Variants in PRDM5 observed in about 807,000 individuals in gnomAD.
PRDM5 encodes the protein PR/SET domain 5.
In PRDM5, 56 loss-of-function variants were observed where a neutral mutation model predicts 81.2. The observed-to-expected ratio is 0.69, with a 90% confidence interval of 0.56 to 0.86. The LOEUF (loss-of-function observed/expected upper bound fraction) is 0.86. Among genes scored for constraint, PRDM5 ranks in the 40% least tolerant of loss-of-function variants. PRDM5 has a pLI of 0.00. For missense variants in PRDM5, 697 were observed against 770.1 expected (o/e 0.91, Z 1.12); for synonymous variants, 267 against 256.4 (o/e 1.04, Z -0.39).
chr4:120,855,728 G>A (rs571170112), intron 2 of PRDM5, among the ~76,000 whole-genome samples: 1 of 152,320 alleles, frequency 6.6e-6, no homozygotes, highest in East Asian at 1.9e-4. Flanking sequence ...AGGTGGCAAT[G>A]CCACCTAATA....
chr4:120,795,555 C>A (rs1751222664), intron 10 of PRDM5, among the ~76,000 whole-genome samples: 1 of 142,210 alleles, frequency 7.0e-6, no homozygotes, highest in Admixed American at 7.1e-5. Flanking sequence ...ATATAACTGG[C>A]AAGATGATGA....
At chr4:120,767,408 T>A (rs1746537650) in intron 13 of PRDM5, among the ~76,000 whole-genome samples, 1 of 152,210 alleles carries the variant, frequency 6.6e-6, no homozygotes, top group Non-Finnish European at 1.5e-5. Context: ...GAGTCTTATT[T>A]CCTCTTCATA....
At chr4:120,716,045 G>C (rs1369686443) in intron 14 of PRDM5, among the ~76,000 whole-genome samples, 26 of 152,174 alleles carry the variant, frequency 1.7e-4, no homozygotes, top group Admixed American at 7.2e-4. Context: ...AGGCATGAGG[G>C]CTTTGCAGTT....
chr4:120,760,684 T>A (rs1461082287), intron 13 of PRDM5, among the ~76,000 whole-genome samples: 1 of 152,026 alleles, frequency 6.6e-6, no homozygotes, highest in Non-Finnish European at 1.5e-5. Context: ...TGATTTTGGT[T>A]GATTTTTAAA....
intron 8 of PRDM5, among the ~76,000 whole-genome samples, chr4:120,802,806 C>G (rs545517909): frequency 6.6e-6 from 1 of 152,258 alleles, no homozygotes; most frequent in Admixed American, 6.5e-5. Flanking sequence ...GCGCTTCTCC[C>G]CCTCCAAAGG....
Position 120,855,041 on chromosome 4 carries a change from C to T in PRDM5, c.178-1501G>A, listed in dbSNP as rs138225101. Among the ~76,000 whole-genome samples the T allele has an allele frequency of 6.0e-4, 92 of 152,110 alleles. 1 individual carries two copies. The highest frequency in any genetic ancestry group is 2.2e-3 in the African/African-American group (91 of 41,496). On this transcript the variant is annotated intron_variant, in intron 2 of 15. Transcript: ENST00000264808. The stretch of plus-strand genomic sequence containing the variant: ...ACCAGATCATGCGGGGACCAACAGA[C>T]CAGGAATCCATCTAGACAGTTACTT...
chr4:120,847,691 TAAC>T (rs1258814882), intron 3 of PRDM5, among the ~76,000 whole-genome samples: 2 of 152,194 alleles, frequency 1.3e-5, no homozygotes, highest in African/African-American at 4.8e-5. Flanking sequence ...TAACGATGGA[TAAC>T]TACTACAATC....
At chr4:120,699,482 C>T (rs942089480) in intron 15 of PRDM5, among the ~76,000 whole-genome samples, 2 of 151,940 alleles carry the variant, frequency 1.3e-5, no homozygotes, top group South Asian at 4.2e-4. Context: ...CCTAACAGTG[C>T]CCTGAAAGCA....
intron 2 of PRDM5, among the ~76,000 whole-genome samples, chr4:120,903,782 TTCTCTTGCACAAGC>T (rs1462304683): frequency 1.3e-5 from 2 of 152,080 alleles, no homozygotes; most frequent in Non-Finnish European, 2.9e-5. Context: ...TAAACGGGAG[TTCTCTTGCACAAGC>T]TCTCTTGCCT....
At position 120,856,361 on chromosome 4, in the gene PRDM5, T is replaced by C. The variant is rs572979380; in HGVS notation, c.178-2821A>G. On this transcript the variant is annotated intron_variant, in intron 2 of 15. Coordinates refer to ENST00000264808, the MANE Select transcript of PRDM5 (RefSeq NM_018699.4). The stretch of plus-strand genomic sequence containing the variant: ...TACATATTCATATTTGAAATAACTT[T>C]CTTTGTTCATTAACAGAATCACTGC... Among the ~76,000 whole-genome samples, 4 of 152,366 alleles carry C rather than the reference T, an allele frequency of 2.6e-5. No homozygotes were observed. In the South Asian group the frequency reaches 6.2e-4, roughly 24 times the overall value.
intron 3 of PRDM5, among the ~76,000 whole-genome samples, chr4:120,852,450 C>T (rs1360842175): frequency 1.3e-5 from 2 of 152,094 alleles, no homozygotes; most frequent in Non-Finnish European, 2.9e-5. Context: ...AAAAGGCTGA[C>T]CTACCCCAGA....
intron 14 of PRDM5, among the ~76,000 whole-genome samples, chr4:120,749,314 T>C (rs997042242): frequency 6.6e-6 from 1 of 152,162 alleles, no homozygotes; most frequent in Non-Finnish European, 1.5e-5. Context: ...TTAAGGATTG[T>C]GGACTAGCAT....
chr4:120,699,837 C>T (rs1268167701), intron 15 of PRDM5, among the ~76,000 whole-genome samples: 1 of 152,070 alleles, frequency 6.6e-6, no homozygotes. Flanking sequence ...AATGGCCATA[C>T]TGCTCAAAGC....
chr4:120,688,759 T>A (rs1397195302), downstream of PRDM5, among the ~76,000 whole-genome samples: 1 of 152,176 alleles, frequency 6.6e-6, no homozygotes, highest in Non-Finnish European at 1.5e-5. Flanking sequence ...AGCTCTCTTG[T>A]TAAAGATCAT....
At chr4:120,889,291 A>C (rs1030409658) in intron 2 of PRDM5, among the ~76,000 whole-genome samples, 1 of 152,140 alleles carries the variant, frequency 6.6e-6, no homozygotes, top group African/African-American at 2.4e-5. Flanking sequence ...TGAGGATATA[A>C]TTTTGATCTA....
chr4:120,697,949 CAAATA>C (rs139171615), intron 15 of PRDM5, among the ~76,000 whole-genome samples: 32,394 of 127,344 alleles, frequency 0.25, 4,453 homozygotes, highest in East Asian at 0.61. Flanking sequence ...AATAAGTATA[CAAATA>C]AAATAAAATA....
rs1224893202 is a variant in PRDM5, at chr4:120,869,984, G to GA, written c.178-16445dup. Among the ~76,000 whole-genome samples, 5 of 149,120 alleles carry GA rather than the reference G, an allele frequency of 3.4e-5. No homozygotes were observed. In the South Asian group the frequency reaches 6.4e-4, roughly 19 times the overall value. ...ACTGCACAGTTCAAAAAAGAACAAAGAAAAAAAAAGAGGAGGAAGTAGAGG... is the reference window on the plus strand; with the variant it reads ...ACTGCACAGTTCAAAAAAGAACAAAGAAAAAAAAAAGAGGAGGAAGTAGAGG... On this transcript the variant is annotated intron_variant, in intron 2 of 15. Coordinates refer to ENST00000264808, the MANE Select transcript of PRDM5 (RefSeq NM_018699.4).
intron 14 of PRDM5, among the ~76,000 whole-genome samples, chr4:120,728,917 G>C (rs1180589837): frequency 6.6e-6 from 1 of 152,192 alleles, no homozygotes; most frequent in African/African-American, 2.4e-5. Flanking sequence ...AGAACTAAAG[G>C]AGAGACAAAA....
At chr4:120,835,700 C>T (rs1205536065) in intron 3 of PRDM5, among the ~76,000 whole-genome samples, 1 of 152,160 alleles carries the variant, frequency 6.6e-6, no homozygotes, top group Non-Finnish European at 1.5e-5. Context: ...GTCAACTAAA[C>T]CTCTTTTTTT....
Sources: allele counts gnomAD v4.1 joint callset (sites outside exome capture counted in the v4.1 genomes callset), GRCh38; gene constraint gnomAD v4.1.1; transcripts MANE v1.5; gene names NCBI Gene and HGNC (gene_info 2026-07-23, HGNC 2026-07-21).